Variants in UNC5D observed in about 807,000 individuals in gnomAD.
UNC5D encodes netrin receptor UNC5D.
UNC5D carries 39 observed loss-of-function variants against 105.4 expected under a neutral mutation model. The observed-to-expected ratio is 0.37, with a 90% CI of 0.29 to 0.48. The LOEUF (loss-of-function observed/expected upper bound fraction) is 0.48, where lower values mean the gene tolerates loss of function less well. UNC5D is among the 20% of genes least tolerant of loss of function. The pLI, the probability that UNC5D is intolerant of heterozygous loss-of-function variation, is 0.98. For synonymous variants in UNC5D, 452 were observed against 450.4 expected, an observed-to-expected ratio of 1.00 and a Z score of -0.04; for missense variants, 991 against 1,202.4, an observed-to-expected ratio of 0.82 and a Z score of 2.60.
chr8:35,734,335 C>CAAAAAAAA lies in UNC5D; in HGVS notation c.1766+3259_1766+3266dup, dbSNP rs10657691. 5.3e-4 allele frequency among the ~76,000 whole-genome samples: 15 copies of CAAAAAAAA among 28,288 alleles called. 1 individual carries two copies. The highest frequency in any genetic ancestry group is 1.6e-3 in the African/African-American group (15 of 9,482). The allele number at this position is 28,288 out of a possible 152,430, so 18.6% of individuals were successfully genotyped here. ...GGAGGAAACCAGCAGTAATCACTGT[C>CAAAAAAAA]AAAAAAAAAAAAAAAAAAAAAAAAA... On this transcript the variant is annotated intron_variant, in intron 11 of 16. Transcript: ENST00000404895.
intron 11 of UNC5D, among the ~76,000 whole-genome samples, chr8:35,735,734 G>A (rs1406417885): frequency 6.6e-6 from 1 of 152,212 alleles, no homozygotes; most frequent in Non-Finnish European, 1.5e-5. Context: ...AAACACTGCA[G>A]TATAAGCCAT....
intron 1 of UNC5D, among the ~76,000 whole-genome samples, chr8:35,536,991 A>G (rs752147174): frequency 4.0e-5 from 6 of 149,212 alleles, no homozygotes; most frequent in Middle Eastern, 6.9e-3. Flanking sequence ...GCGAGACTCT[A>G]TCTCTAAACA....
At chr8:35,767,317 G>A (rs1801819061) in intron 15 of UNC5D, among the ~76,000 whole-genome samples, 1 of 152,146 alleles carries the variant, frequency 6.6e-6, no homozygotes, top group African/African-American at 2.4e-5. Flanking sequence ...GAAGGAACTG[G>A]TACCAGGCTT....
intron 1 of UNC5D, among the ~76,000 whole-genome samples, chr8:35,522,426 A>G (rs1813550292): frequency 6.6e-6 from 1 of 152,200 alleles, no homozygotes; most frequent in African/African-American, 2.4e-5. Flanking sequence ...CAGAACTCCA[A>G]GGGTTTATGA....
At chr8:35,272,566 T>C (rs1327193794) in intron 1 of UNC5D, among the ~76,000 whole-genome samples, 1 of 152,148 alleles carries the variant, frequency 6.6e-6, no homozygotes, top group African/African-American at 2.4e-5. Flanking sequence ...ATCCCCAATG[T>C]CACCTAACAT....
chr8:35,566,811 C>G (rs368745673), intron 2 of UNC5D, among the ~76,000 whole-genome samples: 2 of 152,120 alleles, frequency 1.3e-5, no homozygotes, highest in Non-Finnish European at 1.5e-5. Flanking sequence ...TTCTCCCAAC[C>G]GGCCTATCCT....
At chr8:35,522,764 C>T (rs1054092916) in intron 1 of UNC5D, among the ~76,000 whole-genome samples, 14 of 152,162 alleles carry the variant, frequency 9.2e-5, no homozygotes, top group Admixed American at 8.5e-4. Context: ...TCTTCTAAGC[C>T]TTAATATGTA....
intron 1 of UNC5D, among the ~76,000 whole-genome samples, chr8:35,453,025 C>A (rs1808265961): frequency 6.6e-6 from 1 of 152,124 alleles, no homozygotes; most frequent in African/African-American, 2.4e-5. Flanking sequence ...TTAACTAATG[C>A]ATTTGTCCTG....
intron 16 of UNC5D, among the ~76,000 whole-genome samples, chr8:35,777,819 T>A (rs1259851289): frequency 1.3e-5 from 2 of 152,096 alleles, no homozygotes; most frequent in African/African-American, 4.8e-5. Context: ...TTCCATAGGA[T>A]GTTATTGGCT....
intron 1 of UNC5D, among the ~76,000 whole-genome samples, chr8:35,313,976 A>C (rs1000709049): frequency 7.2e-5 from 11 of 152,184 alleles, no homozygotes; most frequent in African/African-American, 2.7e-4. Flanking sequence ...CATTGAGCGC[A>C]AGAAAGGTGT....
At chr8:35,436,260 T>C (rs1006289473) in intron 1 of UNC5D, among the ~76,000 whole-genome samples, 1 of 152,094 alleles carries the variant, frequency 6.6e-6, no homozygotes, top group African/African-American at 2.4e-5. Context: ...CTGGGGTCTA[T>C]AAGTGAGACT....
At chr8:35,464,147 C>T (rs1029701867) in intron 1 of UNC5D, among the ~76,000 whole-genome samples, 11 of 151,898 alleles carry the variant, frequency 7.2e-5, no homozygotes, top group African/African-American at 1.2e-4. Context: ...GCCAACATGG[C>T]GAAACCCCAT....
At chr8:35,355,798 G>A (rs1458768440) in intron 1 of UNC5D, among the ~76,000 whole-genome samples, 1 of 152,098 alleles carries the variant, frequency 6.6e-6, no homozygotes, top group Non-Finnish European at 1.5e-5. Flanking sequence ...AGGGCTGGAT[G>A]GAACTAGCTA....
intron 1 of UNC5D, among the ~76,000 whole-genome samples, chr8:35,323,377 C>A (rs188319897): frequency 1.3e-5 from 2 of 151,964 alleles, no homozygotes; most frequent in East Asian, 3.9e-4. Flanking sequence ...ATTGACATAA[C>A]CTTTACTCTG....
intron 1 of UNC5D, among the ~76,000 whole-genome samples, chr8:35,269,451 T>C (rs969017682): frequency 2.6e-5 from 4 of 152,198 alleles, no homozygotes; most frequent in Admixed American, 6.5e-5. Flanking sequence ...CCTCCTTGAC[T>C]TACATCTGCA....
intron 4 of UNC5D, among the ~76,000 whole-genome samples, chr8:35,655,270 T>G (rs962201171): frequency 1.3e-5 from 2 of 152,214 alleles, no homozygotes; most frequent in Non-Finnish European, 2.9e-5. Context: ...TGGGTATTAG[T>G]CAAAAATATT....
chr8:35,780,150 T>C (rs1802438525), intron 16 of UNC5D, among the ~76,000 whole-genome samples: 1 of 152,204 alleles, frequency 6.6e-6, no homozygotes, highest in East Asian at 1.9e-4. Context: ...CCCTCCTCAA[T>C]AGTATATTTG....
chr8:35,555,342 A>T (rs1816466627), intron 2 of UNC5D, among the ~76,000 whole-genome samples: 1 of 152,198 alleles, frequency 6.6e-6, no homozygotes, highest in African/African-American at 2.4e-5. Flanking sequence ...TCCTATAGCC[A>T]ATTTAGCTTT....
intron 1 of UNC5D, among the ~76,000 whole-genome samples, chr8:35,432,107 A>G (rs866167226): frequency 1.3e-5 from 2 of 152,148 alleles, no homozygotes; most frequent in Non-Finnish European, 2.9e-5. Flanking sequence ...TGGATCTATA[A>G]TATACTAGCT....
Sources: allele counts gnomAD v4.1 joint callset (sites outside exome capture counted in the v4.1 genomes callset), GRCh38; gene constraint gnomAD v4.1.1; transcripts MANE v1.5; gene names NCBI Gene and HGNC (gene_info 2026-07-23, HGNC 2026-07-21).